Variants in FAF1 observed in about 807,000 individuals in gnomAD.
The protein encoded by FAF1 is Fas associated factor 1.
A neutral mutation model predicts 92.5 loss-of-function variants in FAF1; 25 were observed. The observed-to-expected ratio is 0.27, with a 90% CI of 0.20 to 0.38. The LOEUF (loss-of-function observed/expected upper bound fraction) is 0.38. Ranked by LOEUF, FAF1 falls within the 10% of genes least tolerant of loss-of-function variation. The pLI, the probability that FAF1 is intolerant of heterozygous loss-of-function variation, is 1.00. For missense variants in FAF1, 636 were observed against 793.3 expected, an observed-to-expected ratio of 0.80 and a Z score of 2.38; for synonymous variants, 234 against 273.2, an observed-to-expected ratio of 0.86 and a Z score of 1.42.
chr1:50,651,399 T>C (rs545156449), intron 8 of FAF1, among the ~76,000 whole-genome samples: 13 of 152,356 alleles, frequency 8.5e-5, no homozygotes, highest in African/African-American at 3.1e-4. Context: ...ATCTAATTTT[T>C]AGAACATTTT....
At chr1:50,544,623 T>C (rs1347452544) in intron 13 of FAF1, among the ~76,000 whole-genome samples, 3 of 152,172 alleles carry the variant, frequency 2.0e-5, no homozygotes, top group African/African-American at 4.8e-5. Flanking sequence ...TCAACCACTT[T>C]AAAAATATTA....
intron 7 of FAF1, among the ~76,000 whole-genome samples, chr1:50,656,148 ATGGTGAAACCCC>A (rs1327376220): frequency 6.6e-6 from 1 of 152,166 alleles, no homozygotes; most frequent in Non-Finnish European, 1.5e-5. Context: ...TCTGGCCAAC[ATGGTGAAACCCC>A]ATCTTTACTA....
intron 4 of FAF1, among the ~76,000 whole-genome samples, chr1:50,756,133 G>A (rs953562692): frequency 1.3e-5 from 2 of 152,134 alleles, no homozygotes; most frequent in East Asian, 1.9e-4. Context: ...CTATCACATT[G>A]TCAGGCTACA....
At chr1:50,951,002 G>A (rs529036005) in intron 1 of FAF1, among the ~76,000 whole-genome samples, 3 of 152,314 alleles carry the variant, frequency 2.0e-5, no homozygotes, top group East Asian at 1.9e-4. Context: ...AGGCCGAGGC[G>A]GGCAGACCAC....
At chr1:50,793,583 G>A (rs945817648) in intron 3 of FAF1, among the ~76,000 whole-genome samples, 1 of 152,152 alleles carries the variant, frequency 6.6e-6, no homozygotes, top group Non-Finnish European at 1.5e-5. Flanking sequence ...AGTTAGGACT[G>A]TAACGTAAGA....
chr1:50,834,480 A>T (rs1392662010), intron 2 of FAF1, among the ~76,000 whole-genome samples: 1 of 152,218 alleles, frequency 6.6e-6, no homozygotes, highest in Non-Finnish European at 1.5e-5. Context: ...GTCAGGAAAC[A>T]CTTAATTCAA....
chr1:50,789,403 A>G (rs1661486160), intron 3 of FAF1, among the ~76,000 whole-genome samples: 1 of 152,190 alleles, frequency 6.6e-6, no homozygotes, highest in Non-Finnish European at 1.5e-5. Context: ...TTAGTTCATT[A>G]GTATTTCCTC....
In FAF1 at chr1:50,788,054, C is replaced by T; in HGVS notation, c.313G>A (p.Val105Ile). The T allele has an allele frequency of 6.2e-7, 1 of 1,614,130 alleles. No individual in the cohort carries two copies. The highest frequency in any genetic ancestry group is 1.7e-5 in the Admixed American group (1 of 60,010). ...TCAACATTTCTGTCTCTGTATTCAACCCTGAAGTCCAGCATCCGAGGTTGC... is the reference window on the plus strand; with the variant it reads ...TCAACATTTCTGTCTCTGTATTCAATCCTGAAGTCCAGCATCCGAGGTTGC... ...ERQPRMLDFR[V>I]EYRDRNVDVV... is the part of the protein sequence containing the mutation. The change falls in exon 4 of 19, where the codon GTT becomes ATT. Residue 105 changes from valine to isoleucine, a missense_variant. By Grantham distance (29) the Val-to-Ile change is conservative (BLOSUM62 3). Around this residue, in one of 2 missense-constraint regions of FAF1, gnomAD observed 317 missense variants for 342.4 expected, o/e 0.93. Coordinates refer to ENST00000396153, the MANE Select transcript of FAF1 (RefSeq NM_007051.3).
chr1:50,650,284 CAA>C (rs1213490969), intron 8 of FAF1, among the ~76,000 whole-genome samples: 56 of 84,220 alleles, frequency 6.6e-4, no homozygotes, highest in Non-Finnish European at 8.7e-4. Context: ...AACTCTGTCT[CAA>C]AAAAAAAAAA....
intron 18 of FAF1, among the ~76,000 whole-genome samples, chr1:50,448,718 C>A (rs1289913885): frequency 1.3e-5 from 2 of 152,234 alleles, no homozygotes; most frequent in African/African-American, 4.8e-5. Context: ...TCTCAAATCA[C>A]AATCTCTGAT....
rs543650023 is a variant in FAF1, at chr1:50,649,690, C to T, written c.744+5752G>A. Among the ~76,000 whole-genome samples the T allele has an allele frequency of 4.0e-5, 6 of 151,700 alleles. No individual in the cohort carries two copies. The South Asian group carries it at 1.2e-3, about 32-fold the overall frequency. ...GGGCACAGTGCCTCATGCCTGTAAT[C>T]CCAGCACTTTGACAGGCCGAGGCAG... On this transcript the variant is annotated intron_variant, in intron 8 of 18. Coordinates refer to ENST00000396153, the MANE Select transcript of FAF1 (RefSeq NM_007051.3).
intron 2 of FAF1, among the ~76,000 whole-genome samples, chr1:50,836,951 CTTTTTTTTTT>C (rs528322924): frequency 1.2e-4 from 9 of 76,708 alleles, no homozygotes; most frequent in Non-Finnish European, 1.9e-4. Context: ...TGTTATGTTT[CTTTTTTTTTT>C]TTTTTTTTTT....
At chr1:50,703,224 T>C (rs949318688) in intron 7 of FAF1, among the ~76,000 whole-genome samples, 7 of 152,258 alleles carry the variant, frequency 4.6e-5, no homozygotes, top group Middle Eastern at 3.4e-3. Context: ...ACTAGCATTA[T>C]AAAATAAAAC....
At chr1:50,595,032 C>T (rs1263991152) in intron 9 of FAF1, among the ~76,000 whole-genome samples, 1 of 151,484 alleles carries the variant, frequency 6.6e-6, no homozygotes, top group Non-Finnish European at 1.5e-5. Context: ...TATATTATGC[C>T]ATCACTATTA....
chr1:50,948,534 CT>C lies in FAF1; in HGVS notation c.45+11232del, dbSNP rs1167611825. 8.0e-3 allele frequency among the ~76,000 whole-genome samples: 1,114 copies of C among 139,032 alleles called. 4 individuals are homozygous for C. The highest frequency in any genetic ancestry group is 0.019 in the Middle Eastern group (5 of 270). The allele number at this position is 139,032 out of a possible 152,430, so 91.2% of individuals were successfully genotyped here. A position where few individuals can be genotyped will look rare whatever the true frequency, so the allele number is the denominator to read the frequency against. On this transcript the variant is annotated intron_variant, in intron 1 of 18. Transcript: ENST00000396153. ...TCTTATTTCTTTTTCTTTTCTTTTTCTTTTTTTTTTTTTTTTGAGGCAGAGT... is the reference window on the plus strand; with the variant it reads ...TCTTATTTCTTTTTCTTTTCTTTTTCTTTTTTTTTTTTTTTGAGGCAGAGT...
intron 15 of FAF1, among the ~76,000 whole-genome samples, chr1:50,514,449 T>C (rs1476943479): frequency 6.6e-6 from 1 of 152,256 alleles, no homozygotes; most frequent in Non-Finnish European, 1.5e-5. Context: ...CATGACACTC[T>C]TTCAGGTTAC....
intron 7 of FAF1, among the ~76,000 whole-genome samples, chr1:50,693,992 T>C (rs1057045028): frequency 5.3e-5 from 7 of 132,546 alleles, no homozygotes; most frequent in African/African-American, 1.7e-4. Context: ...TATATGTATA[T>C]GTGTCATTAT....
chr1:50,853,712 T>C (rs987417958), intron 2 of FAF1, among the ~76,000 whole-genome samples: 1 of 152,102 alleles, frequency 6.6e-6, no homozygotes, highest in Non-Finnish European at 1.5e-5. Context: ...TACAGATTAT[T>C]GGAAATTTTA....
At chr1:50,940,744 C>T (rs1645126103) in intron 1 of FAF1, among the ~76,000 whole-genome samples, 1 of 152,170 alleles carries the variant, frequency 6.6e-6, no homozygotes, top group African/African-American at 2.4e-5. Flanking sequence ...AATGTACAGG[C>T]ACTGATGAAC....
Sources: gnomAD v4.1 joint callset for allele counts (sites outside exome capture counted in the v4.1 genomes callset) on GRCh38, gnomAD v4.1.1 for gene constraint, gnomAD v4.1.1 regional missense constraint, MANE v1.5 for transcripts, NCBI Gene and HGNC (gene_info 2026-07-23, HGNC 2026-07-21) for gene names.